Variants in GPC6 observed in about 807,000 individuals in gnomAD.
The protein encoded by GPC6 is glypican-6.
Under a neutral mutation model 55.2 loss-of-function variants are expected in GPC6, and 14 were observed. That is an observed-to-expected ratio of 0.25 (90% CI 0.17 to 0.40). The LOEUF (loss-of-function observed/expected upper bound fraction) is 0.40, where lower values mean the gene tolerates loss of function less well. Among genes scored for constraint, GPC6 ranks in the 10% least tolerant of loss-of-function variants. The pLI is 1.00. For synonymous variants in GPC6, 278 were observed against 259.6 expected (o/e 1.07, Z -0.68); for missense variants, 641 against 708.5 (o/e 0.90, Z 1.08).
chr13:94,253,666 T>C (rs888519985), intron 4 of GPC6, among the ~76,000 whole-genome samples: 1 of 152,118 alleles, frequency 6.6e-6, no homozygotes, highest in African/African-American at 2.4e-5. Context: ...CTTATGTATC[T>C]GGAGAGTCAT....
At chr13:93,404,890 T>A (rs1348005416) in intron 1 of GPC6, among the ~76,000 whole-genome samples, 1 of 152,152 alleles carries the variant, frequency 6.6e-6, no homozygotes. Context: ...CATAGAAGAT[T>A]TAAAGCTCAT....
At chr13:94,260,005 T>C (rs560555870) in intron 4 of GPC6, among the ~76,000 whole-genome samples, 60 of 152,300 alleles carry the variant, frequency 3.9e-4, no homozygotes, top group Admixed American at 2.9e-3. Context: ...TGTACATGGG[T>C]ATATAGTATC....
At chr13:93,783,725 CT>C (rs1300394227) in intron 2 of GPC6, among the ~76,000 whole-genome samples, 1 of 152,134 alleles carries the variant, frequency 6.6e-6, no homozygotes, top group African/African-American at 2.4e-5. Context: ...CCATCTTCTC[CT>C]ACCATCATAT....
chr13:93,755,580 A>C (rs1884739895), intron 2 of GPC6, among the ~76,000 whole-genome samples: 1 of 152,088 alleles, frequency 6.6e-6, no homozygotes, highest in Non-Finnish European at 1.5e-5. Flanking sequence ...CTTTTGTATC[A>C]TTGTTTATTT....
At chr13:93,521,347 T>G (rs1881415466) in intron 1 of GPC6, among the ~76,000 whole-genome samples, 1 of 151,904 alleles carries the variant, frequency 6.6e-6, no homozygotes, top group African/African-American at 2.4e-5. Flanking sequence ...TAAATGAAAT[T>G]ATCTTGATGC....
intron 3 of GPC6, among the ~76,000 whole-genome samples, chr13:93,948,913 C>A (rs2140370595): frequency 6.6e-6 from 1 of 152,080 alleles, no homozygotes; most frequent in East Asian, 1.9e-4. Context: ...TCCATTAATC[C>A]CCCTTCATTG....
chr13:93,480,461 A>G (rs1401055556), intron 1 of GPC6, among the ~76,000 whole-genome samples: 1 of 152,238 alleles, frequency 6.6e-6, no homozygotes, highest in Non-Finnish European at 1.5e-5. Flanking sequence ...TAGGGGGACA[A>G]GAACGTGATT....
chr13:93,603,154 C>T (rs1314065634), intron 2 of GPC6, among the ~76,000 whole-genome samples: 1 of 152,060 alleles, frequency 6.6e-6, no homozygotes, highest in East Asian at 1.9e-4. Flanking sequence ...GGACCACAGG[C>T]ACACACCACC....
intron 4 of GPC6, among the ~76,000 whole-genome samples, chr13:94,226,064 T>A (rs1414922600): frequency 6.6e-6 from 1 of 152,160 alleles, no homozygotes; most frequent in Non-Finnish European, 1.5e-5. Flanking sequence ...CACTCAAATG[T>A]GACACCACAC....
chr13:93,558,130 C>A (rs1332986454), intron 2 of GPC6, among the ~76,000 whole-genome samples: 2 of 152,116 alleles, frequency 1.3e-5, no homozygotes, highest in Non-Finnish European at 2.9e-5. Flanking sequence ...GTTTCTTAAA[C>A]TCTCTGGGAA....
chr13:93,362,105 G>A (rs1196133035), intron 1 of GPC6, among the ~76,000 whole-genome samples: 1 of 152,166 alleles, frequency 6.6e-6, no homozygotes, highest in African/African-American at 2.4e-5. Flanking sequence ...GGGTTCATTA[G>A]TTCTATAATA....
chr13:94,347,068 T>C (rs138763002), intron 6 of GPC6, among the ~76,000 whole-genome samples: 3 of 152,270 alleles, frequency 2.0e-5, no homozygotes, highest in East Asian at 3.9e-4. Flanking sequence ...CCTAGTTTGT[T>C]TACATGTCAT....
At chr13:93,314,997 A>G (rs1403527911) in intron 1 of GPC6, among the ~76,000 whole-genome samples, 3 of 152,260 alleles carry the variant, frequency 2.0e-5, no homozygotes, top group South Asian at 2.1e-4. Context: ...ACAGTTTGAA[A>G]GTATTCAAGT....
At chr13:93,605,096 G>A (rs1878183211) in intron 2 of GPC6, among the ~76,000 whole-genome samples, 1 of 152,010 alleles carries the variant, frequency 6.6e-6, no homozygotes, top group South Asian at 2.1e-4. Flanking sequence ...CATTTCATGT[G>A]TGTTGGGCCT....
chr13:93,570,290 A>T (rs1294729049), intron 2 of GPC6, among the ~76,000 whole-genome samples: 1 of 152,074 alleles, frequency 6.6e-6, no homozygotes, highest in Non-Finnish European at 1.5e-5. Context: ...ATGAATGCTG[A>T]TGTTCTTGGT....
chr13:93,363,006 G>A lies in GPC6; in HGVS notation c.160+135390G>A, dbSNP rs190971133. Among the ~76,000 whole-genome samples the A allele has an allele frequency of 2.8e-4, 42 of 151,918 alleles. 1 individual carries two copies. The highest frequency in any genetic ancestry group is 1.5e-3 in the South Asian group (7 of 4,792). On this transcript the variant is annotated intron_variant, in intron 1 of 8. Transcript: ENST00000377047. ...TGAATTCAACATTATACTGATGAACGACTATTTTTTAAATGGCTGCAAAAT... is the reference window on the plus strand; with the variant it reads ...TGAATTCAACATTATACTGATGAACAACTATTTTTTAAATGGCTGCAAAAT...
intron 4 of GPC6, among the ~76,000 whole-genome samples, chr13:94,193,429 G>A (rs1303159446): frequency 6.6e-6 from 1 of 152,070 alleles, no homozygotes; most frequent in Non-Finnish European, 1.5e-5. Flanking sequence ...CCTGACCTCT[G>A]TGTTTTATCC....
chr13:93,320,130 T>A (rs978435731), intron 1 of GPC6, among the ~76,000 whole-genome samples: 2 of 152,086 alleles, frequency 1.3e-5, no homozygotes, highest in African/African-American at 2.4e-5. Flanking sequence ...AGGAAAAATA[T>A]AAAGTTTTAC....
chr13:93,594,143 CT>C (rs1210362171), intron 2 of GPC6, among the ~76,000 whole-genome samples: 2 of 151,582 alleles, frequency 1.3e-5, no homozygotes, highest in Non-Finnish European at 2.9e-5. Context: ...CTATATATGA[CT>C]TTATTTTATT....
Sources: allele counts gnomAD v4.1 joint callset (sites outside exome capture counted in the v4.1 genomes callset), GRCh38; gene constraint gnomAD v4.1.1; transcripts MANE v1.5; gene names NCBI Gene and HGNC (gene_info 2026-07-23, HGNC 2026-07-21).